ABR: variants seen among roughly 807,000 people sequenced by gnomAD.
ABR encodes active breakpoint cluster region-related protein.
A neutral mutation model predicts 107.2 loss-of-function variants in ABR; 35 were observed. The ratio of observed to expected loss-of-function variants is 0.33; its 90% confidence interval spans 0.25 to 0.43. The LOEUF (loss-of-function observed/expected upper bound fraction) is 0.43, where lower values mean the gene tolerates loss of function less well. Among genes scored for constraint, ABR ranks in the 20% least tolerant of loss-of-function variants. The pLI is 1.00. For missense variants in ABR, 815 were observed against 1,115.2 expected, an observed-to-expected ratio of 0.73 and a Z score of 3.83; for synonymous variants, 498 against 462.0, an observed-to-expected ratio of 1.08 and a Z score of -1.00.
At chr17:1,120,861 G>A (rs1030464210) in intron 2 of ABR, among the ~76,000 whole-genome samples, 2 of 152,276 alleles carry the variant, frequency 1.3e-5, no homozygotes, top group South Asian at 4.1e-4. Flanking sequence ...ACAAAACCCA[G>A]TTCTTCTCTC....
At chr17:1,056,968 G>A (rs373919440) in intron 13 of ABR, 30 bp downstream of exon 13, 74 of 1,529,408 alleles carry the variant, frequency 4.8e-5, no homozygotes, top group Admixed American at 1.3e-4. Flanking sequence ...GGGACCTGCC[G>A]GTTGGGCCAC....
intron 16 of ABR, among the ~76,000 whole-genome samples, chr17:1,017,503 CTTG>C (rs2071254494): frequency 7.6e-6 from 1 of 131,620 alleles, no homozygotes; most frequent in African/African-American, 2.9e-5. Context: ...GAGTTTCACT[CTTG>C]TTGCCCAGGC....
rs554179891 is a variant in ABR at position 1,028,346 on chromosome 17, G to A, written c.1792-15182C>T. ...ACGCCTGACCTCAGGTGATCCACCC[G>A]CCTCTGCCTCCCAAAGTGCTGGGAT... On this transcript the variant is annotated intron_variant, in intron 16 of 22. Coordinates refer to ENST00000302538, the MANE Select transcript of ABR (RefSeq NM_021962.5). 7.9e-5 allele frequency among the ~76,000 whole-genome samples: 12 copies of A among 150,982 alleles called. No individual in the cohort carries two copies. The South Asian group carries it at 1.5e-3, about 19-fold the overall frequency.
intron 1 of ABR, among the ~76,000 whole-genome samples, chr17:1,170,137 G>T (rs1396225598): frequency 6.6e-6 from 1 of 152,204 alleles, no homozygotes; most frequent in African/African-American, 2.4e-5. Flanking sequence ...CCCCTAGGAA[G>T]AGGCAGCCCA....
At chr17:1,063,913 C>G (rs2034359887) in intron 10 of ABR, among the ~76,000 whole-genome samples, 1 of 150,816 alleles carries the variant, frequency 6.6e-6, no homozygotes, top group Non-Finnish European at 1.5e-5. Context: ...GTTATGTGAA[C>G]TGAGGGCTAT....
At chr17:1,057,307 TTTGTGTGTGTG>T (rs1415281125) in intron 12 of ABR, among the ~76,000 whole-genome samples, 1 of 12,942 alleles carries the variant, frequency 7.7e-5, no homozygotes, top group East Asian at 5.9e-3. Flanking sequence ...ACTGAAGAGG[TTTGTGTGTGTG>T]TGTGTGTGTG....
In ABR at chr17:1,037,697, C is replaced by T. The variant is rs532602877; in HGVS notation, c.1791+12353G>A. ...AAGGAGGGGGTGTGGCCGGGTCTCC[C>T]AGCACAGCCATAAATTGCAGCCTGA... is the stretch of plus-strand genomic sequence containing the variant. On this transcript the variant is annotated intron_variant, in intron 16 of 22. Coordinates refer to ENST00000302538, the MANE Select transcript of ABR (RefSeq NM_021962.5). This position sits in a 1 kb window ranked among gnomAD's most constrained non-coding sequence, Gnocchi z 4.6. 3.0e-4 allele frequency among the ~76,000 whole-genome samples: 46 copies of T among 152,114 alleles called. No individual in the cohort carries two copies. The highest frequency in any genetic ancestry group is 4.3e-4 in the Non-Finnish European group (29 of 68,022).
intron 16 of ABR, among the ~76,000 whole-genome samples, chr17:1,023,883 G>A (rs774481124): frequency 1.2e-4 from 19 of 152,138 alleles, no homozygotes; most frequent in African/African-American, 3.4e-4. Context: ...AAATTACCCC[G>A]GCGTGGTGGC....
chr17:1,183,309 G>A (rs1226213652), upstream of ABR, among the ~76,000 whole-genome samples: 1 of 151,388 alleles, frequency 6.6e-6, no homozygotes, highest in Non-Finnish European at 1.5e-5. Context: ...CACCCTCCCA[G>A]CCCTCCCTCC....
At chr17:1,192,655 G>C (rs1214122714) in intron 1 of ABR, among the ~76,000 whole-genome samples, 1 of 150,754 alleles carries the variant, frequency 6.6e-6, no homozygotes, top group East Asian at 1.9e-4. Flanking sequence ...GAAGGCACCT[G>C]TAATTCCAGC....
At chr17:1,218,901 G>A (rs537927038) in intron 1 of ABR, among the ~76,000 whole-genome samples, 2 of 152,246 alleles carry the variant, frequency 1.3e-5, no homozygotes, top group East Asian at 1.9e-4. Flanking sequence ...CAAGGAAATC[G>A]CGTTTTTCAG....
intron 2 of ABR, among the ~76,000 whole-genome samples, chr17:1,124,296 C>A (rs557399106): frequency 1.7e-3 from 262 of 152,184 alleles, no homozygotes; most frequent in Non-Finnish European, 2.4e-3. Context: ...AGCGACTGCT[C>A]CTCTGGGGAC....
At position 1,050,418 on chromosome 17, in the gene ABR, G is replaced by C; in HGVS notation, c.1659+119C>G. 9.5e-7 allele frequency: 1 copy of C among 1,053,560 alleles called. No individual in the cohort carries two copies. The highest frequency in any genetic ancestry group is 1.6e-5 in the African/African-American group (1 of 64,426). The allele number at this position is 1,053,560 out of a possible 1,614,324, so 65.3% of individuals were successfully genotyped here. On this transcript the variant is annotated intron_variant, in intron 15 of 22. Transcript: ENST00000302538. The surrounding 1 kb of genome is among the most constrained non-coding windows in gnomAD (Gnocchi z 4.6). ...CGCGATCAGAAGCCAGAGGAGCAGG[G>C]AGCAGAAAGGGGGGTGCAGACATAG...
intron 18 of ABR, 64 bp downstream of exon 18, chr17:1,012,624 G>T (rs1015380549): frequency 4.8e-6 from 6 of 1,255,420 alleles, no homozygotes; most frequent in Non-Finnish European, 6.8e-6. Flanking sequence ...AGGGCTGGGG[G>T]GCCCGGGCTG....
chr17:1,207,485 G>C (rs1329380214), intron 1 of ABR, among the ~76,000 whole-genome samples: 1 of 151,254 alleles, frequency 6.6e-6, no homozygotes. Context: ...CCCCATCTCT[G>C]CTAAAAATAT....
intron 1 of ABR, among the ~76,000 whole-genome samples, chr17:1,135,667 G>T (rs562171161): frequency 6.6e-6 from 1 of 152,156 alleles, no homozygotes; most frequent in Non-Finnish European, 1.5e-5. Context: ...CCGGAGGTCA[G>T]GAGTTTGAGA....
At chr17:1,100,126 T>TAA (rs59004026) in intron 3 of ABR, among the ~76,000 whole-genome samples, 17 of 110,170 alleles carry the variant, frequency 1.5e-4, no homozygotes, top group African/African-American at 4.1e-4. Flanking sequence ...AGCTCCGTCT[T>TAA]AAAAAAAAAA....
intron 16 of ABR, among the ~76,000 whole-genome samples, chr17:1,020,615 A>T (rs1037757744): frequency 6.6e-6 from 1 of 152,190 alleles, no homozygotes. Context: ...AGAATCCCGT[A>T]GGTGGCTGGT....
chr17:1,199,798 A>G (rs1272498088), intron 1 of ABR, among the ~76,000 whole-genome samples: 7 of 152,064 alleles, frequency 4.6e-5, no homozygotes, highest in African/African-American at 1.7e-4. Context: ...TTTCTGTCAT[A>G]TAAGTCATAA....
Sources: allele counts gnomAD v4.1 joint callset (sites outside exome capture counted in the v4.1 genomes callset), GRCh38; gene constraint gnomAD v4.1.1; non-coding constraint Gnocchi (gnomAD v3.1); transcripts MANE v1.5; gene names NCBI Gene and HGNC (gene_info 2026-07-23, HGNC 2026-07-21).